PDE1A: variants seen among roughly 807,000 people sequenced by gnomAD.
PDE1A encodes the protein dual specificity calcium/calmodulin-dependent 3',5'-cyclic nucleotide phosphodiesterase 1A.
A neutral mutation model predicts 61.7 loss-of-function variants in PDE1A; 35 were observed. That is an observed-to-expected ratio of 0.57 (90% CI 0.43 to 0.75). The LOEUF (loss-of-function observed/expected upper bound fraction) is 0.75, where lower values mean the gene tolerates loss of function less well. Ranked by LOEUF, PDE1A falls within the 30% of genes least tolerant of loss-of-function variation. The pLI is 0.00. For missense variants in PDE1A, 597 were observed against 630.6 expected, an observed-to-expected ratio of 0.95 and a Z score of 0.57; for synonymous variants, 232 against 213.2, an observed-to-expected ratio of 1.09 and a Z score of -0.77.
intron 2 of PDE1A, among the ~76,000 whole-genome samples, chr2:182,519,250 C>T (rs1291679650): frequency 6.6e-6 from 1 of 151,906 alleles, no homozygotes; most frequent in African/African-American, 2.4e-5. Flanking sequence ...GTTTTCCAGC[C>T]CTAAACGATT....
chr2:182,599,908 C>T, the PDE1A span, among the ~76,000 whole-genome samples: 1 of 152,190 alleles, frequency 6.6e-6, no homozygotes, highest in African/African-American at 2.4e-5. Flanking sequence ...TCTACTCCCT[C>T]CATTGCAATC....
chr2:182,687,276 C>T, the PDE1A span, among the ~76,000 whole-genome samples: 6 of 152,232 alleles, frequency 3.9e-5, no homozygotes, highest in Admixed American at 6.5e-5. Context: ...TTCTGGGAGG[C>T]ACCCCCCAGT....
chr2:182,304,801 T>C (rs1256832845), intron 1 of PDE1A, among the ~76,000 whole-genome samples: 1 of 152,060 alleles, frequency 6.6e-6, no homozygotes, highest in Non-Finnish European at 1.5e-5. Flanking sequence ...AATAGTAACA[T>C]CAAAGGTCAC....
At chr2:182,704,770 T>C in the PDE1A span, among the ~76,000 whole-genome samples, 1 of 152,228 alleles carries the variant, frequency 6.6e-6, no homozygotes, top group Non-Finnish European at 1.5e-5. Context: ...TTCAATCTAC[T>C]GTGGTATCAC....
intron 2 of PDE1A, among the ~76,000 whole-genome samples, chr2:182,505,294 T>G (rs1172204899): frequency 6.6e-6 from 1 of 152,214 alleles, no homozygotes; most frequent in Non-Finnish European, 1.5e-5. Flanking sequence ...TATAAGAAAT[T>G]CATTAATTCA....
At chr2:182,157,398 C>A (rs1219379029) in intron 13 of PDE1A, among the ~76,000 whole-genome samples, 1 of 152,064 alleles carries the variant, frequency 6.6e-6, no homozygotes, top group Non-Finnish European at 1.5e-5. Flanking sequence ...AAATTGTGCA[C>A]ACTTTGCATA....
At chr2:182,300,711 G>A (rs1273563902) in intron 1 of PDE1A, among the ~76,000 whole-genome samples, 3 of 152,210 alleles carry the variant, frequency 2.0e-5, no homozygotes, top group Non-Finnish European at 2.9e-5. Flanking sequence ...TTGGCCTCTT[G>A]TATAAATGTC....
intron 2 of PDE1A, among the ~76,000 whole-genome samples, chr2:182,511,561 C>G (rs1689793051): frequency 6.6e-6 from 1 of 152,140 alleles, no homozygotes; most frequent in Non-Finnish European, 1.5e-5. Context: ...CTGCACAGAG[C>G]CTGAAGGGTT....
At chr2:182,212,574 C>A (rs553915232) in intron 7 of PDE1A, among the ~76,000 whole-genome samples, 16 of 152,100 alleles carry the variant, frequency 1.1e-4, no homozygotes, top group Non-Finnish European at 1.9e-4. Context: ...GTGCGCAAGC[C>A]GAAGCAGGGC....
rs755897643 is a variant in PDE1A, at chr2:182,186,608, AAGAG to A, written c.1208-24_1208-21del. The A allele has an allele frequency of 6.3e-6, 10 of 1,580,826 alleles. No individual in the cohort carries two copies. The highest frequency in any genetic ancestry group is 2.3e-5 in the South Asian group (2 of 85,268). On this transcript the variant is annotated intron_variant, in intron 11 of 13. Transcript: ENST00000351439. ...TGAAACCTACAAAAGCCAAAATGAG[AAGAG>A]AGAGAGATAAATTCAAGTGTTACAA... is the stretch of plus-strand genomic sequence containing the variant.
intron 1 of PDE1A, among the ~76,000 whole-genome samples, chr2:182,376,718 G>A (rs1221378447): frequency 1.3e-5 from 2 of 152,122 alleles, no homozygotes; most frequent in East Asian, 3.8e-4. Context: ...TTTTCACACT[G>A]CTGATAAAGA....
chr2:182,444,388 A>T (rs1684997942), intron 2 of PDE1A, among the ~76,000 whole-genome samples: 1 of 152,088 alleles, frequency 6.6e-6, no homozygotes, highest in South Asian at 2.1e-4. Context: ...CAGTAGCATG[A>T]TTACAATAGC....
chr2:182,636,081 G>T, the PDE1A span, among the ~76,000 whole-genome samples: 1 of 148,466 alleles, frequency 6.7e-6, no homozygotes, highest in South Asian at 2.2e-4. Context: ...TCAGGCTCCC[G>T]AGTAGCTGGG....
intron 2 of PDE1A, among the ~76,000 whole-genome samples, chr2:182,508,183 C>T (rs1206941681): frequency 6.7e-6 from 1 of 150,194 alleles, no homozygotes; most frequent in African/African-American, 2.4e-5. Context: ...CAAAATTCAA[C>T]ATTCTTTTAT....
chr2:182,545,865 C>T, the PDE1A span, among the ~76,000 whole-genome samples: 1 of 152,002 alleles, frequency 6.6e-6, no homozygotes, highest in African/African-American at 2.4e-5. Flanking sequence ...CTATTTATGC[C>T]AGTTGTTAGT....
chr2:182,332,941 A>C (rs1158108608), intron 1 of PDE1A, among the ~76,000 whole-genome samples: 1 of 152,234 alleles, frequency 6.6e-6, no homozygotes, highest in East Asian at 1.9e-4. Flanking sequence ...CTAGTGTCTG[A>C]TAAACAGACT....
chr2:182,574,124 A>C, the PDE1A span, among the ~76,000 whole-genome samples: 1 of 151,954 alleles, frequency 6.6e-6, no homozygotes, highest in South Asian at 2.1e-4. Context: ...GTGTGAGGGC[A>C]GGAAGCATCC....
chr2:182,653,612 G>T, the PDE1A span, among the ~76,000 whole-genome samples: 1 of 152,298 alleles, frequency 6.6e-6, no homozygotes, highest in Admixed American at 6.5e-5. Context: ...ATCTAGAAAA[G>T]ATAGCAATTG....
intron 1 of PDE1A, among the ~76,000 whole-genome samples, chr2:182,374,551 G>C (rs944671095): frequency 6.6e-6 from 1 of 151,950 alleles, no homozygotes; most frequent in Admixed American, 6.6e-5. Context: ...ATTCAAGTAA[G>C]AATTAGAAGA....
Sources: gnomAD v4.1 joint callset for allele counts (sites outside exome capture counted in the v4.1 genomes callset) on GRCh38, gnomAD v4.1.1 for gene constraint, MANE v1.5 for transcripts, NCBI Gene and HGNC (gene_info 2026-07-23, HGNC 2026-07-21) for gene names.